TTC28: variants seen among roughly 807,000 people sequenced by gnomAD.
The protein encoded by TTC28 is tetratricopeptide repeat domain 28, also known as tetratricopeptide repeat protein 28.
TTC28 carries 61 observed loss-of-function variants against 198.0 expected under a neutral mutation model. The ratio of observed to expected loss-of-function variants is 0.31; its 90% CI spans 0.25 to 0.38. The LOEUF (loss-of-function observed/expected upper bound fraction) is 0.38. TTC28 is among the 10% of genes least tolerant of loss of function. The pLI is 1.00. For missense variants in TTC28, 2,678 were observed against 3,164.0 expected (o/e 0.85, Z 3.69); for synonymous variants, 1,171 against 1,297.8 (o/e 0.90, Z 2.10).
intron 2 of TTC28, among the ~76,000 whole-genome samples, chr22:28,443,627 A>G (rs1190441292): frequency 6.6e-6 from 1 of 152,094 alleles, no homozygotes; most frequent in Non-Finnish European, 1.5e-5. Context: ...AAATCCTGCA[A>G]GAACCCAACT....
intron 5 of TTC28, among the ~76,000 whole-genome samples, chr22:28,172,225 C>T (rs989670565): frequency 6.6e-6 from 1 of 152,146 alleles, no homozygotes; most frequent in Non-Finnish European, 1.5e-5. Flanking sequence ...TTTACTAGCT[C>T]AGAGAGCTTT....
chr22:28,232,524 T>C (rs1338323502), intron 5 of TTC28, among the ~76,000 whole-genome samples: 1 of 152,148 alleles, frequency 6.6e-6, no homozygotes, highest in Non-Finnish European at 1.5e-5. Context: ...CCGGGGTACA[T>C]GTATCCTCAT....
At chr22:28,204,889 T>C (rs1327240430) in intron 5 of TTC28, among the ~76,000 whole-genome samples, 4 of 152,214 alleles carry the variant, frequency 2.6e-5, no homozygotes, top group Non-Finnish European at 4.4e-5. Flanking sequence ...TGAGGACTCC[T>C]GGTAGCAGTA....
chr22:28,254,003 C>T (rs1930708304), intron 5 of TTC28, among the ~76,000 whole-genome samples: 1 of 151,348 alleles, frequency 6.6e-6, no homozygotes, highest in Non-Finnish European at 1.5e-5. Flanking sequence ...ACCTGGGAAG[C>T]TGAGACAGGA....
rs568443405 is a variant in TTC28 at position 28,251,699 on chromosome 22, T to C, written c.933+44499A>G. On this transcript the variant is annotated intron_variant, in intron 5 of 22. Coordinates refer to ENST00000397906, the MANE Select transcript of TTC28 (RefSeq NM_001145418.2). ...ACGTACCACAATCTAATGTGTGGAA[T>C]GTTAATATTTATCCTAAGCAATCAT... Among the ~76,000 whole-genome samples, 33 of 152,350 alleles carry C rather than the reference T, an allele frequency of 2.2e-4. No individual in the cohort carries two copies. The South Asian group carries it at 6.8e-3, about 32-fold the overall frequency.
intron 12 of TTC28, among the ~76,000 whole-genome samples, chr22:28,075,121 T>G (rs557615619): frequency 6.6e-6 from 1 of 151,944 alleles, no homozygotes; most frequent in South Asian, 2.1e-4. Context: ...AAATAAAAAT[T>G]TAAAAGGTCA....
chr22:28,659,945 C>T (rs1323455362), intron 1 of TTC28, among the ~76,000 whole-genome samples: 1 of 151,894 alleles, frequency 6.6e-6, no homozygotes. Context: ...ACTACAGACA[C>T]ACACCACCAC....
chr22:28,104,086 C>T (rs1473562476), intron 8 of TTC28, among the ~76,000 whole-genome samples: 4 of 152,168 alleles, frequency 2.6e-5, no homozygotes, highest in African/African-American at 7.2e-5. Flanking sequence ...AGGAGACCAG[C>T]GAATCATCAG....
intron 3 of TTC28, among the ~76,000 whole-genome samples, chr22:28,300,441 G>A (rs892417611): frequency 6.6e-6 from 1 of 152,054 alleles, no homozygotes; most frequent in African/African-American, 2.4e-5. Flanking sequence ...ACAGAAATAC[G>A]TGGAAGATTC....
chr22:28,404,503 T>C (rs1439352691), intron 2 of TTC28, among the ~76,000 whole-genome samples: 2 of 152,150 alleles, frequency 1.3e-5, no homozygotes, highest in South Asian at 2.1e-4. Flanking sequence ...ACACTTGTTA[T>C]CCTCTCCAAG....
At chr22:28,458,663 C>T (rs913542184) in intron 2 of TTC28, among the ~76,000 whole-genome samples, 3 of 152,036 alleles carry the variant, frequency 2.0e-5, no homozygotes, top group Non-Finnish European at 2.9e-5. Flanking sequence ...GGGTGGATCA[C>T]GAGGTCAGGA....
intron 12 of TTC28, among the ~76,000 whole-genome samples, chr22:28,045,485 G>A (rs1432721125): frequency 3.3e-5 from 5 of 152,130 alleles, no homozygotes; most frequent in Non-Finnish European, 7.3e-5. Flanking sequence ...TTCTTCATGG[G>A]TAAAATAGAG....
intron 5 of TTC28, among the ~76,000 whole-genome samples, chr22:28,189,583 A>G (rs1397927798): frequency 2.0e-5 from 3 of 151,884 alleles, no homozygotes; most frequent in Non-Finnish European, 4.4e-5. Context: ...ACCAAAAAGA[A>G]AAAAAAGACC....
Position 28,020,796 on chromosome 22 carries a change from C to CAG in TTC28, c.4074-6405_4074-6404insCT, listed in dbSNP as rs546104635. Among the ~76,000 whole-genome samples, 1,445 of 152,066 alleles carry CAG rather than the reference C, an allele frequency of 9.5e-3. 27 individuals are homozygous for CAG. The highest frequency in any genetic ancestry group is 0.032 in the African/African-American group (1,345 of 41,424). Reference sequence around the variant, plus strand: ...CTCCCCCAACACACACACACACACACACACACGCACACACACAGAGCTTTC... The same window carrying CAG: ...CTCCCCCAACACACACACACACACACAGACACACGCACACACACAGAGCTTTC... On this transcript the variant is annotated intron_variant, in intron 13 of 22. Coordinates refer to ENST00000397906, the MANE Select transcript of TTC28 (RefSeq NM_001145418.2).
At chr22:28,437,538 G>A (rs1468224043) in intron 2 of TTC28, among the ~76,000 whole-genome samples, 3 of 152,116 alleles carry the variant, frequency 2.0e-5, no homozygotes, top group African/African-American at 7.2e-5. Context: ...AACAGGGTAG[G>A]GCTTTAAGAA....
intron 2 of TTC28, among the ~76,000 whole-genome samples, chr22:28,514,742 A>G (rs1353273138): frequency 6.6e-6 from 1 of 152,218 alleles, no homozygotes; most frequent in African/African-American, 2.4e-5. Flanking sequence ...GTATGCATTC[A>G]GTGACATCAC....
At chr22:28,101,038 G>A in intron 9 of TTC28, 133 bp downstream of exon 9, 1 of 614,098 alleles carries the variant, frequency 1.6e-6, no homozygotes, top group Non-Finnish European at 2.7e-6. Flanking sequence ...AGTACAGGCG[G>A]GAAATCATAC....
At chr22:28,288,837 T>A (rs925736304) in intron 5 of TTC28, among the ~76,000 whole-genome samples, 1 of 151,102 alleles carries the variant, frequency 6.6e-6, no homozygotes, top group Non-Finnish European at 1.5e-5. Context: ...AGCTATATAA[T>A]TTTTAGGTCA....
chr22:28,398,136 G>A (rs948932107), intron 2 of TTC28, among the ~76,000 whole-genome samples: 12 of 152,276 alleles, frequency 7.9e-5, no homozygotes, highest in Middle Eastern at 6.8e-3. Context: ...ACTGGTCCCC[G>A]CCCCATTCCA....
Sources: allele counts gnomAD v4.1 joint callset (sites outside exome capture counted in the v4.1 genomes callset), GRCh38; gene constraint gnomAD v4.1.1; transcripts MANE v1.5; gene names NCBI Gene and HGNC (gene_info 2026-07-23, HGNC 2026-07-21).